The following SYNJ1 variants were observed in gnomAD, a reference collection of about 807,000 sequenced individuals.
SYNJ1 encodes synaptojanin 1, also known as polyphosphatidylinositol phosphatase SYNJ1.
SYNJ1 carries 78 observed loss-of-function variants against 168.2 expected under a neutral mutation model. The observed-to-expected ratio is 0.46, with a 90% CI of 0.39 to 0.56. SYNJ1 has a LOEUF of 0.56. Among genes scored for constraint, SYNJ1 ranks in the 20% least tolerant of loss-of-function variants. The pLI is 0.00. For synonymous variants in SYNJ1, 539 were observed against 548.6 expected, an observed-to-expected ratio of 0.98 and a Z score of 0.24; for missense variants, 1,303 against 1,597.6, an observed-to-expected ratio of 0.82 and a Z score of 3.14.
intron 9 of SYNJ1, among the ~76,000 whole-genome samples, chr21:32,685,472 ACCTGTAGTC>A (rs2041804575): frequency 6.9e-6 from 1 of 145,944 alleles, no homozygotes; most frequent in Non-Finnish European, 1.5e-5. Context: ...GGTGGCACAC[ACCTGTAGTC>A]CCAGCTACTC....
chr21:32,650,107 C>T, intron 23 of SYNJ1, 77 bp downstream of exon 23: 1 of 1,491,050 alleles, frequency 6.7e-7, no homozygotes, highest in Non-Finnish European at 9.0e-7. Context: ...GAAAGATGAA[C>T]TTGGAAAATA....
chr21:32,664,656 G>A (rs1055363401), intron 18 of SYNJ1, among the ~76,000 whole-genome samples: 36 of 152,182 alleles, frequency 2.4e-4, no homozygotes, highest in African/African-American at 8.4e-4. Flanking sequence ...CGGGGAGCTC[G>A]GTTTTTGGAG....
intron 2 of SYNJ1, among the ~76,000 whole-genome samples, chr21:32,720,663 C>T (rs915802022): frequency 6.6e-6 from 1 of 152,314 alleles, no homozygotes; most frequent in South Asian, 2.1e-4. Flanking sequence ...AATCTTACCA[C>T]TAGACAGATA....
At chr21:32,722,353 C>A (rs1366241610) in intron 2 of SYNJ1, among the ~76,000 whole-genome samples, 1 of 151,864 alleles carries the variant, frequency 6.6e-6, no homozygotes, top group African/African-American at 2.4e-5. Context: ...GAGTTCAGAT[C>A]AGCCTGGCCA....
Position 32,685,862 on chromosome 21 carries a change from T to G in SYNJ1, c.1004A>C (p.Tyr335Ser), listed in dbSNP as rs1469620917. Residue 335 changes from tyrosine to serine, a missense_variant, in exon 9 of 33, where the codon TAT becomes TCT. Around this residue, in one of 2 missense-constraint regions of SYNJ1, gnomAD observed 920 missense variants for 1,208.8 expected, o/e 0.76. Coordinates refer to ENST00000674351, the MANE Select transcript of SYNJ1 (RefSeq NM_203446.3). ...CTTTCCTCCCTTAACCATTTGATGA[T>G]AGTCAAAATTCACCATCTGGATATC... ...AADIQMVNFD[Y>S]HQMVKGGKAE... The G allele has an allele frequency of 2.6e-5, 42 of 1,612,876 alleles. No homozygotes were observed. The highest frequency in any genetic ancestry group is 3.6e-5 in the Non-Finnish European group (42 of 1,179,584).
At chr21:32,637,333 GA>G (rs5843561) in intron 31 of SYNJ1, among the ~76,000 whole-genome samples, 81,769 of 144,556 alleles carry the variant, frequency 0.57, 23,069 homozygotes, top group African/African-American at 0.68. Context: ...TGGATTAGCA[GA>G]AAAAAAAAAT....
At chr21:32,707,182 T>G (rs2076243775) in intron 2 of SYNJ1, among the ~76,000 whole-genome samples, 1 of 152,156 alleles carries the variant, frequency 6.6e-6, no homozygotes, top group Admixed American at 6.5e-5. Flanking sequence ...TTCCCAAAGA[T>G]TTTCCCTGAT....
At chr21:32,727,756 C>A in intron 1 of SYNJ1, 190 bp downstream of exon 1, 1 of 1,272,540 alleles carries the variant, frequency 7.9e-7, no homozygotes, top group Non-Finnish European at 1.0e-6. Flanking sequence ...CCCAGCCTGA[C>A]GCGGCACCCC....
At chr21:32,726,081 C>T (rs995185044) in intron 2 of SYNJ1, among the ~76,000 whole-genome samples, 24 of 152,316 alleles carry the variant, frequency 1.6e-4, no homozygotes, top group African/African-American at 5.8e-4. Context: ...CTCAAGCGAT[C>T]AGCCCCCCTT....
chr21:32,728,146 G>C, upstream of SYNJ1: 2 of 1,343,986 alleles, frequency 1.5e-6, no homozygotes, highest in South Asian at 1.5e-5. Flanking sequence ...CCTGGCACCC[G>C]CGGGCGGCCC....
chr21:32,631,055 T>C lies in SYNJ1; in HGVS notation c.*750A>G, dbSNP rs767006933. 5 of 1,614,032 alleles carry C rather than the reference T, an allele frequency of 3.1e-6. No homozygotes were observed. Among genetic ancestry groups the C allele is most frequent in the Non-Finnish European group, 4.2e-6 (5 of 1,180,016 alleles). On this transcript the variant is annotated 3_prime_UTR_variant, in exon 33 of 33. Transcript: ENST00000674351. ...TAGAGGCCAAGGTCGTGAAAGGATC[T>C]ACTGGAGGGCTGGTGCCGGGCGGGA...
chr21:32,678,751 A>G lies in SYNJ1; in HGVS notation c.1404T>C (p.Phe468=), dbSNP rs2146025354. Residue 468 remains phenylalanine (F), a synonymous_variant, in exon 12 of 33, where the codon TTT becomes TTC. Coordinates refer to ENST00000674351, the MANE Select transcript of SYNJ1 (RefSeq NM_203446.3). ...CAATGGCCTCTTGCTTGGAGCTGTC[A>G]AAGAAGTTATTCTGAATTGTTCGGG... ...SVTRTIQNNF[F]DSSKQEAIDV... 6.2e-7 allele frequency: 1 copy of G among 1,613,506 alleles called. No individual in the cohort carries two copies. The highest frequency in any genetic ancestry group is 1.7e-5 in the Admixed American group (1 of 59,878).
At chr21:32,685,318 G>A (rs2041790145) in intron 9 of SYNJ1, among the ~76,000 whole-genome samples, 1 of 151,582 alleles carries the variant, frequency 6.6e-6, no homozygotes, top group Non-Finnish European at 1.5e-5. Flanking sequence ...TGGGTGAGAT[G>A]GCTCATGCCT....
At chr21:32,699,429 A>C (rs2042320396) in intron 4 of SYNJ1, among the ~76,000 whole-genome samples, 1 of 152,294 alleles carries the variant, frequency 6.6e-6, no homozygotes. Context: ...TATAGCCATC[A>C]ATTTTGTACT....
intron 2 of SYNJ1, among the ~76,000 whole-genome samples, chr21:32,721,318 A>G (rs1447886170): frequency 6.6e-6 from 1 of 152,264 alleles, no homozygotes; most frequent in African/African-American, 2.4e-5. Flanking sequence ...AGAACTTTTT[A>G]GAAAGTGTTT....
chr21:32,676,495 G>T, intron 12 of SYNJ1, 140 bp from the exon 13 acceptor site: 1 of 675,800 alleles, frequency 1.5e-6, no homozygotes, highest in Non-Finnish European at 2.5e-6. Context: ...GATAGCTATA[G>T]AACACCAAGT....
chr21:32,652,693 C>G (rs973606716), intron 22 of SYNJ1, among the ~76,000 whole-genome samples: 7 of 152,176 alleles, frequency 4.6e-5, no homozygotes, highest in South Asian at 2.1e-4. Context: ...ACAGATGAAG[C>G]ACTTCAGAGA....
In SYNJ1 at chr21:32,653,362, C is replaced by G; in HGVS notation, c.2800G>C (p.Val934Leu). The G allele has an allele frequency of 6.2e-7, 1 of 1,611,184 alleles. No homozygotes were observed. Among genetic ancestry groups the G allele is most frequent in the Non-Finnish European group, 8.5e-7 (1 of 1,177,534 alleles). Residue 934 changes from valine to leucine, a missense_variant, in exon 22 of 33, where the codon GTA becomes CTA. Around this residue, in one of 2 missense-constraint regions of SYNJ1, gnomAD observed 920 missense variants for 1,208.8 expected, o/e 0.76. Coordinates refer to ENST00000674351, the MANE Select transcript of SYNJ1 (RefSeq NM_203446.3). ...SFGEVILIRF[V>L]EDKMWVTFLE... The stretch of plus-strand genomic sequence containing the variant: ...AATGTAACCCACATTTTATCTTCTA[C>G]AAATCTTTAAGAAAAACAATAAAAA...
chr21:32,659,176 T>G (rs1262842379), intron 18 of SYNJ1, among the ~76,000 whole-genome samples: 1 of 149,238 alleles, frequency 6.7e-6, no homozygotes, highest in African/African-American at 2.5e-5. Context: ...TCAGATGACA[T>G]AGAAACAAAA....
Sources: allele counts gnomAD v4.1 joint callset (sites outside exome capture counted in the v4.1 genomes callset), GRCh38; gene constraint gnomAD v4.1.1; regional missense constraint gnomAD v4.1.1; transcripts MANE v1.5; gene names NCBI Gene and HGNC (gene_info 2026-07-23, HGNC 2026-07-21).